The following TBC1D8 variants were observed in gnomAD, a reference collection of about 807,000 sequenced individuals.
TBC1D8 encodes the protein BUB2-like protein 1.
A neutral mutation model predicts 118.8 loss-of-function variants in TBC1D8; 65 were observed. The observed-to-expected ratio is 0.55, with a 90% CI of 0.45 to 0.67. The LOEUF (loss-of-function observed/expected upper bound fraction) is 0.67. TBC1D8 is among the 30% of genes least tolerant of loss of function. The probability of loss-of-function intolerance (pLI) is 0.00; values close to 1 mark genes in which losing one functional copy is unlikely to be tolerated. For synonymous variants in TBC1D8, 566 were observed against 595.8 expected (o/e 0.95, Z 0.73); for missense variants, 1,376 against 1,471.2 (o/e 0.94, Z 1.06).
At chr2:101,060,924 A>C (rs980638176) in intron 2 of TBC1D8, among the ~76,000 whole-genome samples, 6 of 152,310 alleles carry the variant, frequency 3.9e-5, no homozygotes, top group Non-Finnish European at 7.3e-5. Context: ...GCAGTGGCTC[A>C]CGCCTGTAAT....
chr2:101,043,401 T>A (rs1267636414), intron 5 of TBC1D8, among the ~76,000 whole-genome samples: 3 of 152,224 alleles, frequency 2.0e-5, no homozygotes, highest in African/African-American at 7.2e-5. Context: ...TATGTTAGCT[T>A]TAACGAAAGT....
chr2:101,061,772 T>G (rs1370869512), intron 2 of TBC1D8, among the ~76,000 whole-genome samples: 2 of 152,164 alleles, frequency 1.3e-5, no homozygotes, highest in Non-Finnish European at 2.9e-5. Flanking sequence ...CCGGTCCTCT[T>G]GCTCTCCACT....
intron 2 of TBC1D8, among the ~76,000 whole-genome samples, chr2:101,066,378 C>T (rs1216949413): frequency 6.6e-6 from 1 of 151,944 alleles, no homozygotes; most frequent in East Asian, 1.9e-4. Context: ...AAATGGAAGA[C>T]ATTTAAAAAG....
intron 10 of TBC1D8, 131 bp downstream of exon 10, chr2:101,033,413 G>T: frequency 9.3e-7 from 1 of 1,078,782 alleles, no homozygotes; most frequent in Non-Finnish European, 1.4e-6. Context: ...TTTCCGGAAA[G>T]GGACCGAGTA....
intron 1 of TBC1D8, among the ~76,000 whole-genome samples, chr2:101,144,478 G>T (rs746251764): frequency 6.6e-6 from 1 of 152,180 alleles, no homozygotes; most frequent in African/African-American, 2.4e-5. Flanking sequence ...AGAGCAGAAG[G>T]GGGAAGAGAG....
In TBC1D8 at chr2:101,033,566, T is replaced by C; in HGVS notation, c.1796A>G (p.Asn599Ser). The stretch of plus-strand genomic sequence containing the variant: ...CACCTGGCAGTATCCAATCTTGGGG[T>C]TCCGGTGGGCATAGGCCGTCAAGAC... ...RRVLTAYAHR[N>S]PKIGYCQSMN... is the part of the protein sequence containing the mutation. The change falls in exon 10 of 20, where the codon AAC becomes AGC. Residue 599 changes from asparagine to serine, a missense_variant. Asn to Ser is a conservative substitution (Grantham distance 46). Coordinates refer to ENST00000409318, the MANE Select transcript of TBC1D8 (RefSeq NM_001330348.2). The C allele has an allele frequency of 1.9e-6, 3 of 1,613,824 alleles. No homozygotes were observed. The highest frequency in any genetic ancestry group is 2.5e-6 in the Non-Finnish European group (3 of 1,179,860).
intron 1 of TBC1D8, among the ~76,000 whole-genome samples, chr2:101,138,860 G>C (rs1678975959): frequency 6.6e-6 from 1 of 152,122 alleles, no homozygotes; most frequent in Non-Finnish European, 1.5e-5. Flanking sequence ...CTCCTTCCCA[G>C]AGAATGGAGG....
chr2:101,039,508 C>T (rs773411829), intron 6 of TBC1D8, among the ~76,000 whole-genome samples: 3 of 152,036 alleles, frequency 2.0e-5, no homozygotes, highest in African/African-American at 4.8e-5. Flanking sequence ...ATGCTCAGTA[C>T]GTTTGTTATC....
rs371921198 is a variant in TBC1D8 at position 101,109,717 on chromosome 2, G to C, written c.128-19353C>G. The stretch of plus-strand genomic sequence containing the variant: ...AAGCAGCTGAGGCCCTGAGCACTGA[G>C]AGATGATGCCGGGCCTCCCCAGCCC... On this transcript the variant is annotated intron_variant, in intron 1 of 19. Transcript: ENST00000409318. 4 of 854,262 alleles carry C rather than the reference G, an allele frequency of 4.7e-6. No individual in the cohort carries two copies. The African/African-American group carries it at 5.5e-5, about 12-fold the overall frequency. The allele number at this position is 854,262 out of a possible 1,614,324, so 52.9% of individuals were successfully genotyped here.
At chr2:101,034,091 G>A (rs996630570) in intron 9 of TBC1D8, among the ~76,000 whole-genome samples, 1 of 152,156 alleles carries the variant, frequency 6.6e-6, no homozygotes, top group African/African-American at 2.4e-5. Context: ...TTGAGCCCAG[G>A]AGGCAGAGGT....
Position 101,040,316 on chromosome 2 carries a change from C to T in TBC1D8, c.942G>A (p.Leu314=). ...AGAGCGAACAGTCCACAACCGCGTGCAGCTTCTCCTTCCTCGGCAACCTGA... is the reference window on the plus strand; with the variant it reads ...AGAGCGAACAGTCCACAACCGCGTGTAGCTTCTCCTTCCTCGGCAACCTGA... The part of the protein sequence containing the change: ...AFFRLPRKEK[L]HAVVDCSLWT... Residue 314 remains leucine (L), a synonymous_variant, in exon 6 of 20, where the codon CTG becomes CTA. Coordinates refer to ENST00000409318, the MANE Select transcript of TBC1D8 (RefSeq NM_001330348.2). 1 of 1,613,996 alleles carries T rather than the reference C, an allele frequency of 6.2e-7. No homozygotes were observed. Among genetic ancestry groups the T allele is most frequent in the Non-Finnish European group, 8.5e-7 (1 of 1,179,874 alleles).
chr2:101,083,655 CCTCCTATGT>C (rs1369525940), intron 2 of TBC1D8, among the ~76,000 whole-genome samples: 1 of 152,130 alleles, frequency 6.6e-6, no homozygotes, highest in Non-Finnish European at 1.5e-5. Context: ...CCTCAAAGGC[CCTCCTATGT>C]CTCCCCATCC....
At chr2:101,127,239 G>C (rs1417383122) in intron 1 of TBC1D8, among the ~76,000 whole-genome samples, 1 of 152,046 alleles carries the variant, frequency 6.6e-6, no homozygotes, top group African/African-American at 2.4e-5. Flanking sequence ...GGGAGGCTGA[G>C]GCAGGAGAAT....
At chr2:101,123,468 T>C (rs1382613856) in intron 1 of TBC1D8, among the ~76,000 whole-genome samples, 2 of 152,118 alleles carry the variant, frequency 1.3e-5, no homozygotes, top group Admixed American at 6.5e-5. Flanking sequence ...AAAAATATTG[T>C]GGAGCCACTG....
At chr2:101,056,219 T>A (rs575387820) in intron 3 of TBC1D8, among the ~76,000 whole-genome samples, 1,717 of 56,668 alleles carry the variant, frequency 0.03, 48 homozygotes, top group African/African-American at 0.071. Flanking sequence ...TTTTTTTTTT[T>A]TTTTGAGACA....
chr2:101,029,774 C>T lies in TBC1D8; in HGVS notation c.1939G>A (p.Ala647Thr). 6.2e-7 allele frequency: 1 copy of T among 1,611,900 alleles called. No individual in the cohort carries two copies. The highest frequency in any genetic ancestry group is 8.5e-7 in the Non-Finnish European group (1 of 1,178,228). Residue 647 changes from alanine (A) to threonine (T), a missense_variant and splice_region_variant, in exon 12 of 20, where the codon GCA (alanine) becomes ACA (threonine). Coordinates refer to ENST00000409318, the MANE Select transcript of TBC1D8 (RefSeq NM_001330348.2). ...PDYFNHRVIGAQVDQSVFEEL... is the reference protein window; with the variant it reads ...PDYFNHRVIGTQVDQSVFEEL... ...TCGAAGACAGACTGGTCAACTTGTGCCCCTGGAAAAGAAAGGGCACAGGGC... is the reference window on the plus strand; with the variant it reads ...TCGAAGACAGACTGGTCAACTTGTGTCCCTGGAAAAGAAAGGGCACAGGGC...
chr2:101,070,120 T>C (rs140192194), intron 2 of TBC1D8, among the ~76,000 whole-genome samples: 10 of 152,140 alleles, frequency 6.6e-5, no homozygotes, highest in Non-Finnish European at 1.2e-4. Context: ...TTTCATCACA[T>C]TGGTCAGGCT....
At chr2:101,148,237 CAG>C (rs1488135546) in intron 1 of TBC1D8, among the ~76,000 whole-genome samples, 2 of 152,166 alleles carry the variant, frequency 1.3e-5, no homozygotes, top group African/African-American at 4.8e-5. Context: ...TGAGAAGAGA[CAG>C]GGGTTGTTCC....
chr2:101,065,095 T>C lies in TBC1D8; in HGVS notation c.284-5556A>G, dbSNP rs2105429834. On this transcript the variant is annotated intron_variant, in intron 2 of 19. Coordinates refer to ENST00000409318, the MANE Select transcript of TBC1D8 (RefSeq NM_001330348.2). ...GAAATAAAACAAGCATCTCATTGTC[T>C]ATGCCCACAGCTCCTGCATGGACAC... Among the ~76,000 whole-genome samples, 2 of 152,318 alleles carry C rather than the reference T, an allele frequency of 1.3e-5. 1 individual carries two copies. The highest frequency in any genetic ancestry group is 6.8e-3 in the Middle Eastern group (2 of 294).
Sources: gnomAD v4.1 joint callset for allele counts (sites outside exome capture counted in the v4.1 genomes callset) on GRCh38, gnomAD v4.1.1 for gene constraint, MANE v1.5 for transcripts, NCBI Gene and HGNC (gene_info 2026-07-23, HGNC 2026-07-21) for gene names.